DNER: variants seen among roughly 807,000 people sequenced by gnomAD.
DNER encodes delta/notch like EGF repeat containing, also known as delta and Notch-like epidermal growth factor-related receptor.
Under a neutral mutation model 78.2 loss-of-function variants are expected in DNER, and 33 were observed. The observed-to-expected ratio is 0.42, with a 90% CI of 0.32 to 0.56. The LOEUF (loss-of-function observed/expected upper bound fraction) is 0.56. Ranked by LOEUF, DNER falls within the 20% of genes least tolerant of loss-of-function variation. DNER has a pLI of 0.11. For synonymous variants in DNER, 417 were observed against 384.8 expected, an observed-to-expected ratio of 1.08 and a Z score of -0.98; for missense variants, 918 against 975.3, an observed-to-expected ratio of 0.94 and a Z score of 0.78.
intron 1 of DNER, among the ~76,000 whole-genome samples, chr2:229,656,234 A>G (rs1284591947): frequency 6.6e-6 from 1 of 152,216 alleles, no homozygotes; most frequent in Non-Finnish European, 1.5e-5. Context: ...AACAGGTATC[A>G]TCCACATGGC....
intron 6 of DNER, among the ~76,000 whole-genome samples, chr2:229,482,838 A>T (rs555950767): frequency 7.9e-5 from 12 of 152,240 alleles, no homozygotes; most frequent in Non-Finnish European, 1.5e-4. Flanking sequence ...TAAATTGCAC[A>T]ACAGAGTAGA....
chr2:229,371,588 C>T (rs1021654906), intron 11 of DNER, among the ~76,000 whole-genome samples: 4 of 152,188 alleles, frequency 2.6e-5, no homozygotes, highest in African/African-American at 9.7e-5. Flanking sequence ...AAACAAACAC[C>T]TTGAGCTAGG....
In DNER at chr2:229,357,690, A is replaced by G. The variant is rs535143494; in HGVS notation, c.*850T>C. On this transcript the variant is annotated 3_prime_UTR_variant, in exon 13 of 13. Coordinates refer to ENST00000341772, the MANE Select transcript of DNER (RefSeq NM_139072.4). ...AATTAGCAAGAATCAGAAGAAGCAC[A>G]TATCAATCAAATACAGCCACAAAAA... The G allele has an allele frequency of 1.3e-5, 2 of 152,358 alleles. No homozygotes were observed. The highest frequency in any genetic ancestry group is 3.9e-4 in the East Asian group (2 of 5,192). The allele number at this position is 152,358 out of a possible 1,614,324, so 9.4% of individuals were successfully genotyped here. A position where few individuals can be genotyped will look rare whatever the true frequency, so the allele number is the denominator to read the frequency against.
intron 7 of DNER, among the ~76,000 whole-genome samples, chr2:229,459,290 C>T (rs1372542113): frequency 6.6e-6 from 1 of 151,922 alleles, no homozygotes; most frequent in South Asian, 2.1e-4. Flanking sequence ...GTAAGTAGCT[C>T]TTATATGTTT....
chr2:229,425,485 A>G (rs1693853712), intron 8 of DNER, among the ~76,000 whole-genome samples: 1 of 152,168 alleles, frequency 6.6e-6, no homozygotes, highest in Admixed American at 6.5e-5. Flanking sequence ...CTGCTCCAGA[A>G]CAGGACACTT....
chr2:229,433,451 C>T (rs1694059935), intron 8 of DNER, among the ~76,000 whole-genome samples: 1 of 152,078 alleles, frequency 6.6e-6, no homozygotes, highest in Non-Finnish European at 1.5e-5. Context: ...ACAAAGGAAT[C>T]CCAAAGTGAC....
In DNER at chr2:229,358,411, T is replaced by A; in HGVS notation, c.*129A>T. On this transcript the variant is annotated 3_prime_UTR_variant, in exon 13 of 13. Transcript: ENST00000341772. ...TTCCAAACTAAAAGCTGCAGAAAAT[T>A]AGTTCTTAAATATTCTACTGAAAAC... 1.3e-6 allele frequency: 1 copy of A among 761,422 alleles called. No homozygotes were observed. The highest frequency in any genetic ancestry group is 2.0e-6 in the Non-Finnish European group (1 of 509,096). 47.2% of individuals were successfully genotyped at this position (761,422 alleles called of 1,614,324 possible). A position where few individuals can be genotyped will look rare whatever the true frequency, so the allele number is the denominator to read the frequency against.
intron 4 of DNER, among the ~76,000 whole-genome samples, chr2:229,564,201 CACT>C (rs923933544): frequency 6.7e-6 from 1 of 150,144 alleles, no homozygotes; most frequent in African/African-American, 2.5e-5. Flanking sequence ...ATCACCCCAC[CACT>C]ATCATCATCA....
intron 6 of DNER, among the ~76,000 whole-genome samples, chr2:229,508,717 T>C (rs752396746): frequency 6.6e-6 from 1 of 151,650 alleles, no homozygotes; most frequent in Non-Finnish European, 1.5e-5. Context: ...CCGTCTCTAC[T>C]AAAAATACAA....
chr2:229,597,254 A>G (rs183007359), intron 1 of DNER, among the ~76,000 whole-genome samples: 199 of 152,340 alleles, frequency 1.3e-3, no homozygotes, highest in Non-Finnish European at 1.2e-3. Flanking sequence ...GCTTTCTGCC[A>G]TTATTTTCTC....
chr2:229,468,828 G>C (rs1249176664), intron 7 of DNER, among the ~76,000 whole-genome samples: 1 of 152,074 alleles, frequency 6.6e-6, no homozygotes, highest in Non-Finnish European at 1.5e-5. Context: ...AGTGAGGGAG[G>C]GTTCTGGGCA....
At chr2:229,529,012 T>C (rs1008763585) in intron 5 of DNER, among the ~76,000 whole-genome samples, 2 of 152,184 alleles carry the variant, frequency 1.3e-5, no homozygotes, top group African/African-American at 4.8e-5. Context: ...TCACGGAGTA[T>C]ATGTGATTAA....
rs145283355 is a variant in DNER at position 229,442,580 on chromosome 2, C to T, written c.1486+4736G>A. On this transcript the variant is annotated intron_variant, in intron 8 of 12. Coordinates refer to ENST00000341772, the MANE Select transcript of DNER (RefSeq NM_139072.4). ...CTGGTTAATAACAGATGAAAGTTGT[C>T]CACTATACTTACTATACTTATCCAA... Among the ~76,000 whole-genome samples the T allele has an allele frequency of 1.4e-3, 220 of 152,102 alleles. 2 individuals carry two copies. The highest frequency in any genetic ancestry group is 4.7e-3 in the African/African-American group (193 of 41,502).
intron 4 of DNER, among the ~76,000 whole-genome samples, chr2:229,576,043 A>G (rs1247242747): frequency 6.6e-6 from 1 of 152,100 alleles, no homozygotes; most frequent in Non-Finnish European, 1.5e-5. Context: ...TTCTTTTCAA[A>G]CTATTGCATT....
At chr2:229,527,151 G>C (rs1326665369) in intron 5 of DNER, among the ~76,000 whole-genome samples, 1 of 152,282 alleles carries the variant, frequency 6.6e-6, no homozygotes, top group East Asian at 1.9e-4. Flanking sequence ...GTCATCGCGT[G>C]AGGGATTCTT....
intron 1 of DNER, among the ~76,000 whole-genome samples, chr2:229,704,591 A>C (rs574366324): frequency 9.0e-6 from 1 of 110,792 alleles, no homozygotes; most frequent in African/African-American, 3.2e-5. Context: ...TGGAAAATGC[A>C]CATGTATGAC....
chr2:229,602,243 T>A (rs1697842611), intron 1 of DNER, among the ~76,000 whole-genome samples: 1 of 152,180 alleles, frequency 6.6e-6, no homozygotes, highest in African/African-American at 2.4e-5. Context: ...GATTGTATGA[T>A]CATCTCAACC....
At chr2:229,458,775 C>CA (rs57384162) in intron 7 of DNER, among the ~76,000 whole-genome samples, 9,256 of 147,416 alleles carry the variant, frequency 0.063, 856 homozygotes, top group African/African-American at 0.2. Flanking sequence ...TCTATATATG[C>CA]AAAAAAAAAG....
At chr2:229,617,364 G>A (rs923581065) in intron 1 of DNER, among the ~76,000 whole-genome samples, 1 of 152,124 alleles carries the variant, frequency 6.6e-6, no homozygotes, top group African/African-American at 2.4e-5. Flanking sequence ...CTCATCACCT[G>A]TGACTATTAT....
Sources: gnomAD v4.1 joint callset for allele counts (sites outside exome capture counted in the v4.1 genomes callset) on GRCh38, gnomAD v4.1.1 for gene constraint, MANE v1.5 for transcripts, NCBI Gene and HGNC (gene_info 2026-07-23, HGNC 2026-07-21) for gene names.